Variants in ENPP6 observed in about 807,000 individuals in gnomAD.
ENPP6 encodes the protein glycerophosphocholine cholinephosphodiesterase ENPP6.
Under a neutral mutation model 42.0 loss-of-function variants are expected in ENPP6, and 32 were observed. The observed-to-expected ratio is 0.76, with a 90% CI of 0.58 to 1.02. ENPP6 has a LOEUF of 1.02. Ranked by LOEUF, ENPP6 falls within the 50% of genes least tolerant of loss-of-function variation. The pLI is 0.00. For synonymous variants in ENPP6, 213 were observed against 216.0 expected (o/e 0.99, Z 0.12); for missense variants, 552 against 566.8 (o/e 0.97, Z 0.27).
rs1732905010 is a variant in ENPP6 at position 184,201,595 on chromosome 4, A to C, written c.241+15984T>G. ...AGTTTCCAGCAGCTGAATGCCATAT[A>C]ATCAGAACACCCTCTGGTCACCATG... is the stretch of plus-strand genomic sequence containing the variant. On this transcript the variant is annotated intron_variant, in intron 1 of 7. Transcript: ENST00000296741. 5.3e-5 allele frequency among the ~76,000 whole-genome samples: 8 copies of C among 152,208 alleles called. No individual in the cohort carries two copies. The South Asian group carries it at 1.7e-3, about 31-fold the overall frequency.
intron 1 of ENPP6, among the ~76,000 whole-genome samples, chr4:184,157,404 T>G (rs368185791): frequency 9.0e-4 from 97 of 107,690 alleles, no homozygotes; most frequent in African/African-American, 3.5e-3. Flanking sequence ...AAATTCGTTC[T>G]TTCTCTTTCT....
At chr4:184,189,789 G>C (rs1483449219) in intron 1 of ENPP6, among the ~76,000 whole-genome samples, 2 of 152,114 alleles carry the variant, frequency 1.3e-5, no homozygotes, top group Admixed American at 1.3e-4. Context: ...AGTAGAACCC[G>C]TGTCTCCCAC....
intron 1 of ENPP6, among the ~76,000 whole-genome samples, chr4:184,164,234 G>A (rs973967627): frequency 1.3e-5 from 2 of 152,156 alleles, no homozygotes; most frequent in African/African-American, 2.4e-5. Flanking sequence ...AGATTGCAAC[G>A]AGCATTAAAG....
chr4:184,202,675 G>T (rs568859646), intron 1 of ENPP6, among the ~76,000 whole-genome samples: 3 of 152,142 alleles, frequency 2.0e-5, no homozygotes, highest in Non-Finnish European at 1.5e-5. Context: ...TCATTTAGAA[G>T]TTGCTTTTTT....
chr4:184,124,051 C>T (rs1736461165), intron 3 of ENPP6, 110 bp downstream of exon 3: 2 of 819,728 alleles, frequency 2.4e-6, no homozygotes. Flanking sequence ...CTCTCACCAA[C>T]TCTCTGACAT....
chr4:184,216,587 T>G (rs1034774459), intron 1 of ENPP6: 28 of 152,238 alleles, frequency 1.8e-4, no homozygotes, highest in African/African-American at 5.8e-4. Context: ...CAGAGCTCTC[T>G]CTGTGCTCAG....
intron 2 of ENPP6, among the ~76,000 whole-genome samples, chr4:184,124,894 C>G (rs1267746391): frequency 6.6e-6 from 1 of 152,164 alleles, no homozygotes; most frequent in Non-Finnish European, 1.5e-5. Flanking sequence ...GCTTTTCTGC[C>G]CCAGACTCCT....
At position 184,153,645 on chromosome 4, in the gene ENPP6, G is replaced by C. The variant is rs761947229; in HGVS notation, c.330C>G (p.Asp110Glu). 2 of 1,614,218 alleles carry C rather than the reference G, an allele frequency of 1.2e-6. No homozygotes were observed. The highest frequency in any genetic ancestry group is 8.5e-7 in the Non-Finnish European group (1 of 1,180,042). ...NKSFDIGVNKDSLMPLWWNGS... is the reference protein window; with the variant it reads ...NKSFDIGVNKESLMPLWWNGS... ...CATTCCACCAGAGAGGCATTAGGCT[G>C]TCTTTGTTGACGCCAATGTCAAAGG... Residue 110 changes from aspartate (D) to glutamate (E), a missense_variant, in exon 2 of 8, where the codon GAC becomes GAG. This residue lies in a region of ENPP6 where 545 missense variants were observed against 546.3 expected (regional missense o/e 1.00). Coordinates refer to ENST00000296741, the MANE Select transcript of ENPP6 (RefSeq NM_153343.4).
At chr4:184,154,381 C>G (rs1232041868) in intron 1 of ENPP6, among the ~76,000 whole-genome samples, 2 of 152,192 alleles carry the variant, frequency 1.3e-5, no homozygotes, top group Non-Finnish European at 2.9e-5. Context: ...CGCTTGGACT[C>G]TTTTGAAACA....
chr4:184,191,483 C>A (rs1269765254), intron 1 of ENPP6, among the ~76,000 whole-genome samples: 1 of 152,166 alleles, frequency 6.6e-6, no homozygotes, highest in South Asian at 2.1e-4. Flanking sequence ...CATCCATTGT[C>A]TTCTCAGATC....
chr4:184,208,250 T>C (rs1201703014), intron 1 of ENPP6, among the ~76,000 whole-genome samples: 1 of 151,962 alleles, frequency 6.6e-6, no homozygotes, highest in Non-Finnish European at 1.5e-5. Context: ...GATGGCCAAA[T>C]AGGAACAGCT....
chr4:184,162,053 G>C (rs72699704), intron 1 of ENPP6, among the ~76,000 whole-genome samples: 2 of 151,680 alleles, frequency 1.3e-5, no homozygotes, highest in African/African-American at 2.4e-5. Context: ...GGCATCCAAG[G>C]TATCCCCAGT....
chr4:184,140,906 A>G lies in ENPP6; in HGVS notation c.421+12648T>C, dbSNP rs374348593. On this transcript the variant is annotated intron_variant, in intron 2 of 7. Transcript: ENST00000296741. Reference sequence around the variant, plus strand: ...TTGACAAATGGGATCTAATTAAACTAAAGAGCTTCTGCACAGCAAAAGAAA... The same window carrying G: ...TTGACAAATGGGATCTAATTAAACTGAAGAGCTTCTGCACAGCAAAAGAAA... 3.0e-3 allele frequency among the ~76,000 whole-genome samples: 417 copies of G among 140,870 alleles called. 2 individuals carry two copies. Among genetic ancestry groups the G allele is most frequent in the African/African-American group, 0.01 (390 of 37,592 alleles). 92.4% of individuals were successfully genotyped at this position (140,870 alleles called of 152,430 possible). A position where few individuals can be genotyped will look rare whatever the true frequency, so the allele number is the denominator to read the frequency against.
chr4:184,106,638 G>C (rs564213832), intron 6 of ENPP6, among the ~76,000 whole-genome samples: 1 of 151,842 alleles, frequency 6.6e-6, no homozygotes, highest in Admixed American at 6.6e-5. Flanking sequence ...CATCTATATC[G>C]GTCTCCTGTT....
chr4:184,135,678 G>T (rs1410897378), intron 2 of ENPP6, among the ~76,000 whole-genome samples: 4 of 110,752 alleles, frequency 3.6e-5, no homozygotes, highest in Non-Finnish European at 8.1e-5. Flanking sequence ...TAACATAGGT[G>T]CAAAAAAGTG....
intron 1 of ENPP6, among the ~76,000 whole-genome samples, chr4:184,196,106 C>T (rs1335554924): frequency 2.0e-5 from 3 of 152,246 alleles, no homozygotes; most frequent in South Asian, 2.1e-4. Context: ...GGTCTTCAAA[C>T]GCTCCTTGTC....
chr4:184,133,744 G>A (rs1339853103), intron 2 of ENPP6, among the ~76,000 whole-genome samples: 1 of 151,140 alleles, frequency 6.6e-6, no homozygotes, highest in African/African-American at 2.4e-5. Context: ...AGGGTGCAGT[G>A]TACTAATTAC....
At chr4:184,169,339 C>G (rs1042942746) in intron 1 of ENPP6, among the ~76,000 whole-genome samples, 2 of 150,094 alleles carry the variant, frequency 1.3e-5, no homozygotes, top group Non-Finnish European at 3.0e-5. Flanking sequence ...GGTGGCCGAG[C>G]TGGGAAGAAA....
intron 2 of ENPP6, among the ~76,000 whole-genome samples, chr4:184,153,186 C>T (rs62340151): frequency 0.44 from 65,600 of 149,568 alleles, 14,557 homozygotes; most frequent in Admixed American, 0.49. Context: ...AGTGCAATGG[C>T]GCAATCTCAG....
Sources: allele counts gnomAD v4.1 joint callset (sites outside exome capture counted in the v4.1 genomes callset), GRCh38; gene constraint gnomAD v4.1.1; regional missense constraint gnomAD v4.1.1; transcripts MANE v1.5; gene names NCBI Gene and HGNC (gene_info 2026-07-23, HGNC 2026-07-21).